PPA1: variants seen among roughly 807,000 people sequenced by gnomAD.
PPA1 encodes inorganic pyrophosphatase 1.
PPA1 carries 23 observed loss-of-function variants against 41.8 expected under a neutral mutation model. The ratio of observed to expected loss-of-function variants is 0.55; its 90% confidence interval spans 0.40 to 0.78. The LOEUF (loss-of-function observed/expected upper bound fraction) is 0.78. Ranked by LOEUF, PPA1 falls within the 30% of genes least tolerant of loss-of-function variation. PPA1 has a pLI of 0.00. For missense variants in PPA1, 320 were observed against 361.6 expected, an observed-to-expected ratio of 0.89 and a Z score of 0.93; for synonymous variants, 101 against 116.8, an observed-to-expected ratio of 0.86 and a Z score of 0.87.
At chr10:70,232,617 G>A (rs956523443) in intron 1 of PPA1, among the ~76,000 whole-genome samples, 5 of 152,146 alleles carry the variant, frequency 3.3e-5, no homozygotes, top group African/African-American at 1.2e-4. Context: ...TGTTTGATTT[G>A]AGGGAAACAG....
chr10:70,203,210 A>C, intron 10 of PPA1, 24 bp from the exon 11 acceptor site: 2 of 1,591,510 alleles, frequency 1.3e-6, no homozygotes, highest in South Asian at 2.2e-5. Flanking sequence ...AAAGAAAAAC[A>C]AATTAGAATT....
At chr10:70,214,663 C>T (rs1019142891) in intron 4 of PPA1, 77 bp from the exon 5 acceptor site, 1 of 1,144,272 alleles carries the variant, frequency 8.7e-7, no homozygotes. Context: ...CAGATAACAT[C>T]CTATGACTCT....
In PPA1 at chr10:70,213,530, G is replaced by A. The variant is rs536509176; in HGVS notation, c.444C>T (p.Asp148=). The A allele has an allele frequency of 6.2e-6, 10 of 1,613,882 alleles. No homozygotes were observed. The Admixed American group carries it at 8.3e-5, about 13-fold the overall frequency. The change falls in exon 6 of 11, where the codon GAC becomes GAT. Residue 148 remains aspartate (D), a synonymous_variant. Coordinates refer to ENST00000373232, the MANE Select transcript of PPA1 (RefSeq NM_021129.4). ...VKVLGILAMI[D]EGETDWKVIA... is the part of the protein sequence containing the mutation. ...TGACTTTCCAGTCGGTTTCCCCTTCGTCAATCATAGCCAATATGCCTAGAA... is the reference window on the plus strand; with the variant it reads ...TGACTTTCCAGTCGGTTTCCCCTTCATCAATCATAGCCAATATGCCTAGAA...
At chr10:70,206,471 A>G in intron 8 of PPA1, 138 bp from the exon 9 acceptor site, 5 of 640,576 alleles carry the variant, frequency 7.8e-6, no homozygotes, top group Non-Finnish European at 1.4e-5. Context: ...TACATTTAAC[A>G]TTCTAATTAT....
chr10:70,229,455 C>T (rs1364463817), intron 2 of PPA1, among the ~76,000 whole-genome samples: 5 of 152,080 alleles, frequency 3.3e-5, no homozygotes, highest in Non-Finnish European at 5.9e-5. Flanking sequence ...CTTCTTTTTC[C>T]CCTAGAAAAG....
chr10:70,226,391 C>G (rs1010853690), intron 2 of PPA1, among the ~76,000 whole-genome samples: 2 of 151,838 alleles, frequency 1.3e-5, no homozygotes, highest in African/African-American at 4.8e-5. Context: ...GAAAGCCTGT[C>G]TCTACCAATA....
chr10:70,229,269 G>A (rs184010573), intron 2 of PPA1, among the ~76,000 whole-genome samples: 2 of 152,228 alleles, frequency 1.3e-5, no homozygotes, highest in African/African-American at 2.4e-5. Context: ...GCAGTCCCAC[G>A]AATCATAACT....
chr10:70,218,879 G>T, intron 2 of PPA1, 62 bp from the exon 3 acceptor site: 3 of 1,212,884 alleles, frequency 2.5e-6, no homozygotes, highest in Non-Finnish European at 2.4e-6. Context: ...GAGGGAGCAT[G>T]CACTATTTCT....
chr10:70,221,064 A>ATAT (rs1205020241), intron 2 of PPA1, among the ~76,000 whole-genome samples: 1 of 15,538 alleles, frequency 6.4e-5, no homozygotes, highest in Non-Finnish European at 9.3e-5. Flanking sequence ...TAATTTATAT[A>ATAT]TATATATATA....
chr10:70,229,753 G>A (rs183963138), intron 2 of PPA1, among the ~76,000 whole-genome samples: 2 of 151,634 alleles, frequency 1.3e-5, no homozygotes, highest in African/African-American at 2.4e-5. Flanking sequence ...TACGACTTTA[G>A]TTCCAAATAC....
intron 1 of PPA1, 123 bp downstream of exon 1, chr10:70,233,141 C>A: frequency 8.7e-7 from 1 of 1,146,824 alleles, no homozygotes; most frequent in East Asian, 3.1e-5. Flanking sequence ...CACAACGCGC[C>A]CGAGGAGACG....
intron 2 of PPA1, among the ~76,000 whole-genome samples, chr10:70,222,708 G>A (rs1009635892): frequency 6.6e-6 from 1 of 151,902 alleles, no homozygotes. Flanking sequence ...TAAGTTTTAG[G>A]GTATATGTGC....
intron 8 of PPA1, among the ~76,000 whole-genome samples, chr10:70,206,864 GAGGA>G: frequency 1.1e-5 from 1 of 89,530 alleles, no homozygotes; most frequent in African/African-American, 5.2e-5. Flanking sequence ...GAGGAGAGGA[GAGGA>G]GGGGAGGGGA....
chr10:70,209,407 GGAAGA>G, intron 7 of PPA1, 117 bp from the exon 8 acceptor site: 1 of 1,297,218 alleles, frequency 7.7e-7, no homozygotes. Context: ...TTCTAAAAAT[GGAAGA>G]GAATATTAAA....
intron 2 of PPA1, among the ~76,000 whole-genome samples, chr10:70,221,032 ATATATAAAT>A (rs1840154513): frequency 1.3e-5 from 1 of 75,664 alleles, no homozygotes; most frequent in African/African-American, 6.9e-5. Flanking sequence ...TATATAATAT[ATATATAAAT>A]TATATATATA....
intron 6 of PPA1, 52 bp from the exon 7 acceptor site, chr10:70,209,737 AAAG>A (rs1839994123): frequency 6.6e-7 from 1 of 1,513,888 alleles, no homozygotes; most frequent in Non-Finnish European, 9.0e-7. Flanking sequence ...TTTTAAAAAG[AAAG>A]AAGAGAATAA....
intron 2 of PPA1, among the ~76,000 whole-genome samples, chr10:70,225,139 C>G (rs1840214489): frequency 1.3e-5 from 2 of 152,180 alleles, no homozygotes; most frequent in Admixed American, 1.3e-4. Context: ...GTGTGTTTCT[C>G]TAGATAACTT....
rs1564584093 is a variant in PPA1, at chr10:70,220,645, ATTT to A, written c.124-1831_124-1829del. Among the ~76,000 whole-genome samples, 38 of 5,138 alleles carry A rather than the reference ATTT, an allele frequency of 7.4e-3. 4 individuals carry two copies. Among genetic ancestry groups the A allele is most frequent in the African/African-American group, 0.031 (38 of 1,234 alleles). 3.4% of individuals were successfully genotyped at this position (5,138 alleles called of 152,430 possible). A position where few individuals can be genotyped will look rare whatever the true frequency, so the allele number is the denominator to read the frequency against. The stretch of plus-strand genomic sequence containing the variant: ...AATTTATATATATATAATATATATA[ATTT>A]ATATATATATTATATATAATTTATA... On this transcript the variant is annotated intron_variant, in intron 2 of 10. Coordinates refer to ENST00000373232, the MANE Select transcript of PPA1 (RefSeq NM_021129.4).
intron 2 of PPA1, among the ~76,000 whole-genome samples, chr10:70,221,079 T>TATATATATATAA (rs1564584678): frequency 4.4e-5 from 1 of 22,902 alleles, no homozygotes; most frequent in Admixed American, 1.1e-3. Context: ...TATATATATT[T>TATATATATATAA]TTTTTTTTTT....
Sources: allele counts gnomAD v4.1 joint callset (sites outside exome capture counted in the v4.1 genomes callset), GRCh38; gene constraint gnomAD v4.1.1; transcripts MANE v1.5; gene names NCBI Gene and HGNC (gene_info 2026-07-23, HGNC 2026-07-21).